The following PRKN variants were observed in gnomAD, a reference collection of about 807,000 sequenced individuals.
PRKN encodes the protein E3 ubiquitin-protein ligase parkin.
In PRKN, 56 loss-of-function variants were observed where a neutral mutation model predicts 59.5. That is an observed-to-expected ratio of 0.94 (90% CI 0.76 to 1.18). The LOEUF (loss-of-function observed/expected upper bound fraction) is 1.18, where lower values mean the gene tolerates loss of function less well. Ranked by LOEUF, PRKN falls within the 50% of genes most tolerant of loss-of-function variation. The pLI is 0.00. For synonymous variants in PRKN, 250 were observed against 222.1 expected, an observed-to-expected ratio of 1.13 and a Z score of -1.12; for missense variants, 657 against 596.4, an observed-to-expected ratio of 1.10 and a Z score of -1.06.
At position 161,497,958 on chromosome 6, in the gene PRKN, T is replaced by C. The variant is rs142194660; in HGVS notation, c.1083+50896A>G. Among the ~76,000 whole-genome samples, 2,308 of 152,338 alleles carry C rather than the reference T, an allele frequency of 0.015. 35 individuals carry two copies. Among genetic ancestry groups the C allele is most frequent in the Admixed American group, 0.039 (593 of 15,306 alleles). On this transcript the variant is annotated intron_variant, in intron 9 of 11. Coordinates refer to ENST00000366898, the MANE Select transcript of PRKN (RefSeq NM_004562.3). This position sits in a 1 kb window ranked among gnomAD's most constrained non-coding sequence, Gnocchi z 4.6. ...AATTGCATGATGGTAATTATGCTTCTAAATCTGATCAAATGACGGGAGAGA... is the reference window on the plus strand; with the variant it reads ...AATTGCATGATGGTAATTATGCTTCCAAATCTGATCAAATGACGGGAGAGA...
At chr6:162,061,268 G>A (rs762036535) in intron 4 of PRKN, among the ~76,000 whole-genome samples, 2 of 152,156 alleles carry the variant, frequency 1.3e-5, no homozygotes, top group Non-Finnish European at 2.9e-5. Flanking sequence ...AAACAACACT[G>A]TGCAAAGGCA....
chr6:161,988,436 G>A (rs113726157), intron 5 of PRKN, among the ~76,000 whole-genome samples: 145 of 151,934 alleles, frequency 9.5e-4, no homozygotes, highest in African/African-American at 3.4e-3. Context: ...TGCATGAGGC[G>A]AGATCCCGCA....
At chr6:161,833,847 G>A (rs146231288) in intron 6 of PRKN, among the ~76,000 whole-genome samples, 22 of 152,170 alleles carry the variant, frequency 1.4e-4, no homozygotes, top group East Asian at 3.9e-4. Context: ...GGAGCCTTTC[G>A]GTTTCCTACT....
rs898977815 is a variant in PRKN, at chr6:161,741,369, C to T, written c.871+44403G>A. 5.3e-5 allele frequency among the ~76,000 whole-genome samples: 8 copies of T among 152,176 alleles called. No individual in the cohort carries two copies. The South Asian group carries it at 8.3e-4, about 16-fold the overall frequency. On this transcript the variant is annotated intron_variant, in intron 7 of 11. Transcript: ENST00000366898. ...AAGAGTAACAAGACACTCGATGAGA[C>T]AAATCTCAGAGGCAGGGCAAGGAAA...
intron 9 of PRKN, among the ~76,000 whole-genome samples, chr6:161,430,659 C>T (rs192369265): frequency 6.6e-6 from 1 of 151,344 alleles, no homozygotes; most frequent in Non-Finnish European, 1.5e-5. Flanking sequence ...ACTAAAAATA[C>T]AAAAAATTAG....
intron 1 of PRKN, among the ~76,000 whole-genome samples, chr6:162,571,981 T>G (rs1004843980): frequency 1.3e-5 from 2 of 151,920 alleles, no homozygotes; most frequent in African/African-American, 4.8e-5. Flanking sequence ...TTAGACAAAT[T>G]TGGAAAAAAA....
chr6:162,473,122 T>A (rs1030331750), intron 1 of PRKN, among the ~76,000 whole-genome samples: 6 of 152,150 alleles, frequency 3.9e-5, no homozygotes, highest in African/African-American at 1.4e-4. Flanking sequence ...TGTACAAGTG[T>A]ATCCTCATAA....
rs1217796730 is a variant in PRKN, at chr6:162,555,721, T to C, written c.8-112248A>G. On this transcript the variant is annotated intron_variant, in intron 1 of 11. Transcript: ENST00000366898. ...TTCTAAAGAATGAATTCAAGGCCGGTGGCTCACGGCTGTAATCCCAGCACT... is the reference window on the plus strand; with the variant it reads ...TTCTAAAGAATGAATTCAAGGCCGGCGGCTCACGGCTGTAATCCCAGCACT... Among the ~76,000 whole-genome samples the C allele has an allele frequency of 1.3e-5, 2 of 152,046 alleles. 1 individual carries two copies. The highest frequency in any genetic ancestry group is 4.2e-4 in the South Asian group (2 of 4,814).
chr6:162,671,625 C>T (rs1349795948), intron 1 of PRKN, among the ~76,000 whole-genome samples: 4 of 151,764 alleles, frequency 2.6e-5, no homozygotes, highest in Non-Finnish European at 2.9e-5. Flanking sequence ...TCAAAAATTC[C>T]GAAATCATAG....
rs1777882614 is a variant in PRKN at position 161,499,622 on chromosome 6, C to G, written c.1083+49232G>C. On this transcript the variant is annotated intron_variant, in intron 9 of 11. Transcript: ENST00000366898. The surrounding 1 kb of genome is among the most constrained non-coding windows in gnomAD (Gnocchi z 4.2). ...TTAGCTGAGTTGCTCGTGAAAAATG[C>G]AGATTGCAGGTTTCATTTCAGACCT... 6.6e-6 allele frequency among the ~76,000 whole-genome samples: 1 copy of G among 152,198 alleles called. No individual in the cohort carries two copies. Among genetic ancestry groups the G allele is most frequent in the South Asian group, 2.1e-4 (1 of 4,824 alleles).
At chr6:162,711,006 T>C (rs2849520) in intron 1 of PRKN, among the ~76,000 whole-genome samples, 125,728 of 152,174 alleles carry the variant, frequency 0.83, 52,213 homozygotes, top group East Asian at 0.98. Flanking sequence ...ACTCCACTAC[T>C]GGAAACAGAG....
At chr6:161,640,443 T>C (rs561233121) in intron 7 of PRKN, among the ~76,000 whole-genome samples, 3 of 152,298 alleles carry the variant, frequency 2.0e-5, no homozygotes, top group Admixed American at 1.3e-4. Context: ...TGCTTATGCT[T>C]AGCTGTGTCG....
In PRKN at chr6:161,359,487, T is replaced by C. The variant is rs1417389245; in HGVS notation, c.1285+601A>G. ...GCTCATCTGTGATGGTGCCGCTGAC[T>C]CTGCCTTGCACACGTACAAGTGCAT... On this transcript the variant is annotated intron_variant, in intron 11 of 11. Coordinates refer to ENST00000366898, the MANE Select transcript of PRKN (RefSeq NM_004562.3). This position sits in a 1 kb window ranked among gnomAD's most constrained non-coding sequence, Gnocchi z 5.4. Among the ~76,000 whole-genome samples the C allele has an allele frequency of 2.6e-5, 4 of 152,218 alleles. No homozygotes were observed. Among genetic ancestry groups the C allele is most frequent in the Non-Finnish European group, 5.9e-5 (4 of 68,032 alleles).
chr6:162,480,976 T>TTG (rs112268739), intron 1 of PRKN, among the ~76,000 whole-genome samples: 10,544 of 149,970 alleles, frequency 0.07, 408 homozygotes, highest in East Asian at 0.14. Context: ...CAGCTAATTT[T>TTG]TGTGTGTGTG....
chr6:161,535,957 A>ATTTTTTTTTT (rs10650031), intron 9 of PRKN, among the ~76,000 whole-genome samples: 1 of 149,994 alleles, frequency 6.7e-6, no homozygotes, highest in Non-Finnish European at 1.5e-5. Flanking sequence ...GAACAAAAAG[A>ATTTTTTTTTT]TTTTTTTTTT....
At chr6:161,904,309 GTTTT>G (rs1025317025) in intron 6 of PRKN, among the ~76,000 whole-genome samples, 229 of 72,550 alleles carry the variant, frequency 3.2e-3, no homozygotes, top group African/African-American at 0.012. Flanking sequence ...AATTTGTGGG[GTTTT>G]TTTTTTTTTT....
In PRKN at chr6:161,609,193, T is replaced by C. The variant is rs1782396715; in HGVS notation, c.872-39777A>G. Reference sequence around the variant, plus strand: ...CAAGTGAGCTAGCTAGGAGATTGCATTTTGAATGTGTTAAAAATATCTTAA... The same window carrying C: ...CAAGTGAGCTAGCTAGGAGATTGCACTTTGAATGTGTTAAAAATATCTTAA... On this transcript the variant is annotated intron_variant, in intron 7 of 11. Coordinates refer to ENST00000366898, the MANE Select transcript of PRKN (RefSeq NM_004562.3). 2.0e-5 allele frequency among the ~76,000 whole-genome samples: 3 copies of C among 152,180 alleles called. No homozygotes were observed. In the South Asian group the frequency reaches 6.2e-4, roughly 32 times the overall value.
intron 11 of PRKN, among the ~76,000 whole-genome samples, chr6:161,358,430 T>C (rs1784847297): frequency 6.6e-6 from 1 of 152,090 alleles, no homozygotes. Context: ...CTGGCCGACA[T>C]ATAGTGAAAT....
intron 2 of PRKN, among the ~76,000 whole-genome samples, chr6:162,319,285 G>T (rs1782882758): frequency 1.3e-5 from 2 of 151,982 alleles, no homozygotes. Flanking sequence ...CAGAATCTTT[G>T]GGGGTGGAGG....
Sources: allele counts gnomAD v4.1 joint callset (sites outside exome capture counted in the v4.1 genomes callset), GRCh38; gene constraint gnomAD v4.1.1; non-coding constraint Gnocchi (gnomAD v3.1); transcripts MANE v1.5; gene names NCBI Gene and HGNC (gene_info 2026-07-23, HGNC 2026-07-21).